The following PHACTR1 variants were observed in gnomAD, a reference collection of about 807,000 sequenced individuals.
The protein encoded by PHACTR1 is phosphatase and actin regulator 1.
In PHACTR1, 16 loss-of-function variants were observed where a neutral mutation model predicts 69.2. The ratio of observed to expected loss-of-function variants is 0.23; its 90% CI spans 0.16 to 0.35. The LOEUF is 0.35. Ranked by LOEUF, PHACTR1 falls within the 10% of genes least tolerant of loss-of-function variation. The probability of loss-of-function intolerance (pLI) is 1.00; values close to 1 mark genes in which losing one functional copy is unlikely to be tolerated. For synonymous variants in PHACTR1, 312 were observed against 284.5 expected (o/e 1.10, Z -0.97); for missense variants, 510 against 734.7 (o/e 0.69, Z 3.54).
At chr6:12,819,470 C>T (rs532697082) in intron 4 of PHACTR1, among the ~76,000 whole-genome samples, 21 of 152,260 alleles carry the variant, frequency 1.4e-4, no homozygotes, top group African/African-American at 3.6e-4. Flanking sequence ...TCACACTTCA[C>T]GCAGTAAGGT....
intron 4 of PHACTR1, among the ~76,000 whole-genome samples, chr6:12,753,734 C>T (rs1214513297): frequency 6.6e-6 from 1 of 151,982 alleles, no homozygotes; most frequent in African/African-American, 2.4e-5. Flanking sequence ...CTTTCAGGCC[C>T]AGAGGACAAT....
At chr6:12,788,011 A>C (rs2015761) in intron 4 of PHACTR1, among the ~76,000 whole-genome samples, 10,630 of 152,188 alleles carry the variant, frequency 0.07, 466 homozygotes, top group Admixed American at 0.1. Context: ...TAGAAAAATC[A>C]GCCAGGCGTT....
At chr6:13,051,654 C>T (rs1339453059) in intron 4 of PHACTR1, among the ~76,000 whole-genome samples, 1 of 152,170 alleles carries the variant, frequency 6.6e-6, no homozygotes, top group Non-Finnish European at 1.5e-5. Context: ...CCTTCTCTTT[C>T]AAAACTTAAG....
intron 10 of PHACTR1, among the ~76,000 whole-genome samples, chr6:13,271,869 C>T (rs1777809484): frequency 6.6e-6 from 1 of 151,932 alleles, no homozygotes; most frequent in Admixed American, 6.6e-5. Flanking sequence ...CTATAGACAC[C>T]AGTTTCTAAT....
intron 4 of PHACTR1, among the ~76,000 whole-genome samples, chr6:12,750,462 G>A (rs1766464187): frequency 6.6e-6 from 1 of 151,172 alleles, no homozygotes; most frequent in Non-Finnish European, 1.5e-5. Flanking sequence ...AGGGAGGAAA[G>A]GAAGGAAACG....
intron 10 of PHACTR1, among the ~76,000 whole-genome samples, chr6:13,267,994 C>T (rs1287897100): frequency 2.0e-5 from 3 of 152,092 alleles, no homozygotes; most frequent in African/African-American, 7.2e-5. Context: ...CAGCTGGGCT[C>T]AGTGGCTCAC....
chr6:12,811,320 A>G (rs1774990544), intron 4 of PHACTR1, among the ~76,000 whole-genome samples: 1 of 152,214 alleles, frequency 6.6e-6, no homozygotes, highest in Non-Finnish European at 1.5e-5. Flanking sequence ...CACTGGGTTT[A>G]TTTAAAACCA....
At chr6:13,027,644 T>TA (rs1361584727) in intron 4 of PHACTR1, among the ~76,000 whole-genome samples, 1 of 151,884 alleles carries the variant, frequency 6.6e-6, no homozygotes, top group East Asian at 1.9e-4. Context: ...GTGTTCCACC[T>TA]AACACTTGCT....
At chr6:12,766,943 G>A (rs1768689910) in intron 4 of PHACTR1, among the ~76,000 whole-genome samples, 1 of 152,136 alleles carries the variant, frequency 6.6e-6, no homozygotes, top group African/African-American at 2.4e-5. Context: ...CTGTAAGCAT[G>A]TCTATTGAAA....
intron 8 of PHACTR1, among the ~76,000 whole-genome samples, chr6:13,207,003 G>A (rs1326966638): frequency 6.6e-6 from 1 of 152,010 alleles, no homozygotes; most frequent in African/African-American, 2.4e-5. Flanking sequence ...AGGACCTGCT[G>A]TATATCCATC....
At chr6:12,838,576 CAA>C (rs1041448679) in intron 4 of PHACTR1, among the ~76,000 whole-genome samples, 15 of 152,096 alleles carry the variant, frequency 9.9e-5, no homozygotes, top group African/African-American at 3.6e-4. Context: ...GTAAAATAAA[CAA>C]GTAAAATTTC....
chr6:13,160,950 C>A (rs777384289), intron 6 of PHACTR1, among the ~76,000 whole-genome samples: 3 of 152,172 alleles, frequency 2.0e-5, no homozygotes, highest in Admixed American at 1.3e-4. Flanking sequence ...CTTCACTCCT[C>A]TTTTCTAAGA....
At chr6:12,988,995 T>C (rs1395826398) in intron 4 of PHACTR1, among the ~76,000 whole-genome samples, 1 of 152,250 alleles carries the variant, frequency 6.6e-6, no homozygotes, top group Non-Finnish European at 1.5e-5. Flanking sequence ...TAGAACAATG[T>C]GTGTCTCACT....
intron 5 of PHACTR1, among the ~76,000 whole-genome samples, chr6:13,099,218 T>C (rs1266270500): frequency 6.6e-6 from 1 of 152,236 alleles, no homozygotes; most frequent in African/African-American, 2.4e-5. Context: ...GGCACAATTA[T>C]CACAGTTGTT....
chr6:12,999,744 A>G (rs1030859358), intron 4 of PHACTR1, among the ~76,000 whole-genome samples: 1 of 152,240 alleles, frequency 6.6e-6, no homozygotes, highest in Non-Finnish European at 1.5e-5. Context: ...ATATGGTAAA[A>G]GTTCAACAGG....
chr6:13,163,587 G>C (rs947631560), intron 6 of PHACTR1, among the ~76,000 whole-genome samples: 1 of 152,156 alleles, frequency 6.6e-6, no homozygotes, highest in African/African-American at 2.4e-5. Context: ...GTAGTGTATA[G>C]GTTTGTGTTT....
intron 11 of PHACTR1, chr6:13,277,942 C>G (rs370846439): frequency 1.1e-5 from 2 of 187,442 alleles, no homozygotes; most frequent in African/African-American, 4.9e-5. Flanking sequence ...AGAACGAGAC[C>G]GTGTCAAAAA....
At chr6:12,825,313 T>C (rs1233432087) in intron 4 of PHACTR1, among the ~76,000 whole-genome samples, 2 of 144,098 alleles carry the variant, frequency 1.4e-5, no homozygotes, top group African/African-American at 5.2e-5. Flanking sequence ...ACCCTCTCTC[T>C]CTCAAAAAAA....
At chr6:12,797,034 TGTGTGTGAGA>T (rs1349731610) in intron 4 of PHACTR1, among the ~76,000 whole-genome samples, 18 of 129,338 alleles carry the variant, frequency 1.4e-4, no homozygotes, top group Non-Finnish European at 2.5e-4. Flanking sequence ...TGTGTGTGTG[TGTGTGTGAGA>T]GAGAGAGAGA....
Sources: allele counts gnomAD v4.1 joint callset (sites outside exome capture counted in the v4.1 genomes callset), GRCh38; gene constraint gnomAD v4.1.1; transcripts MANE v1.5; gene names NCBI Gene and HGNC (gene_info 2026-07-23, HGNC 2026-07-21).